EXOC4: variants seen among roughly 807,000 people sequenced by gnomAD.
EXOC4 encodes exocyst complex component 4, also known as SEC8-like 1.
A neutral mutation model predicts 107.2 loss-of-function variants in EXOC4; 71 were observed. The ratio of observed to expected loss-of-function variants is 0.66; its 90% confidence interval spans 0.55 to 0.81. EXOC4 has a LOEUF of 0.81. Ranked by LOEUF, EXOC4 falls within the 30% of genes least tolerant of loss-of-function variation. The pLI is 0.00. For missense variants in EXOC4, 1,108 were observed against 1,189.6 expected, an observed-to-expected ratio of 0.93 and a Z score of 1.01; for synonymous variants, 456 against 441.2, an observed-to-expected ratio of 1.03 and a Z score of -0.42.
At chr7:133,365,533 C>A (rs992309693) in intron 6 of EXOC4, among the ~76,000 whole-genome samples, 31 of 152,080 alleles carry the variant, frequency 2.0e-4, no homozygotes, top group African/African-American at 7.5e-4. Context: ...AGCACCAGGC[C>A]CCACTTCAGT....
At chr7:133,623,641 G>C (rs1386456393) in intron 9 of EXOC4, among the ~76,000 whole-genome samples, 1 of 152,104 alleles carries the variant, frequency 6.6e-6, no homozygotes, top group African/African-American at 2.4e-5. Context: ...CTTGTTGCCT[G>C]GATTTTCTTC....
At chr7:133,446,690 T>C (rs1361228696) in intron 7 of EXOC4, among the ~76,000 whole-genome samples, 2 of 152,220 alleles carry the variant, frequency 1.3e-5, no homozygotes. Context: ...ACTTTTAATG[T>C]TTTATAAAGT....
intron 10 of EXOC4, among the ~76,000 whole-genome samples, chr7:133,787,966 TATATATATATATATATATA>T (rs1796618986): frequency 2.4e-4 from 4 of 16,484 alleles, no homozygotes; most frequent in African/African-American, 8.6e-4. Context: ...TATATATTTA[TATATATATATATATATATA>T]TATATATATA....
intron 7 of EXOC4, among the ~76,000 whole-genome samples, chr7:133,436,159 C>T (rs965464264): frequency 6.6e-6 from 1 of 151,370 alleles, no homozygotes; most frequent in Non-Finnish European, 1.5e-5. Flanking sequence ...TTTTTCTTGG[C>T]ATCCATGCAA....
At chr7:133,921,074 G>A (rs1799926487) in intron 13 of EXOC4, among the ~76,000 whole-genome samples, 1 of 152,154 alleles carries the variant, frequency 6.6e-6, no homozygotes, top group Admixed American at 6.5e-5. Context: ...TCCACCATTT[G>A]CCAGCTGCAG....
At chr7:133,708,760 T>G (rs1357716235) in intron 10 of EXOC4, among the ~76,000 whole-genome samples, 1 of 152,218 alleles carries the variant, frequency 6.6e-6, no homozygotes, top group African/African-American at 2.4e-5. Context: ...TATTAACAGA[T>G]TCATCAAGTT....
At chr7:133,975,282 G>C (rs1483926196) in intron 14 of EXOC4, among the ~76,000 whole-genome samples, 1 of 152,158 alleles carries the variant, frequency 6.6e-6, no homozygotes, top group African/African-American at 2.4e-5. Context: ...TATGGGGATA[G>C]TAGGGATGGT....
intron 3 of EXOC4, among the ~76,000 whole-genome samples, 195 bp downstream of exon 3, chr7:133,289,311 ATCTG>A (rs1295972256): frequency 6.6e-6 from 1 of 152,236 alleles, no homozygotes; most frequent in Non-Finnish European, 1.5e-5. Context: ...TTTATGTATT[ATCTG>A]TCTTTGTAAC....
chr7:133,731,448 T>G lies in EXOC4; in HGVS notation c.1515-85877T>G, dbSNP rs923671063. Among the ~76,000 whole-genome samples, 42 of 152,168 alleles carry G rather than the reference T, an allele frequency of 2.8e-4. 1 individual carries two copies. The highest frequency in any genetic ancestry group is 8.7e-4 in the African/African-American group (36 of 41,446). On this transcript the variant is annotated intron_variant, in intron 10 of 17. Coordinates refer to ENST00000253861, the MANE Select transcript of EXOC4 (RefSeq NM_021807.4). Reference sequence around the variant, plus strand: ...AGGTACTAACTGAAGACTCTCCATTTGTTACTGGGATATGAAAAAAAAATA... The same window carrying G: ...AGGTACTAACTGAAGACTCTCCATTGGTTACTGGGATATGAAAAAAAAATA...
At chr7:133,784,729 C>T (rs972686868) in intron 10 of EXOC4, among the ~76,000 whole-genome samples, 2 of 152,074 alleles carry the variant, frequency 1.3e-5, no homozygotes, top group Admixed American at 6.6e-5. Flanking sequence ...GGAGTTGCTT[C>T]GGGAAGGCTA....
At chr7:134,096,000 C>T in the EXOC4 span, among the ~76,000 whole-genome samples, 64 of 152,188 alleles carry the variant, frequency 4.2e-4, no homozygotes, top group South Asian at 0.012. Context: ...GCAAAAGAAA[C>T]TATCAACAGA....
chr7:134,034,079 G>A (rs11420790), intron 17 of EXOC4, among the ~76,000 whole-genome samples: 30,546 of 151,954 alleles, frequency 0.2, 3,631 homozygotes, highest in East Asian at 0.42. Flanking sequence ...GTGTCTAAAA[G>A]AGACTTGATC....
chr7:133,894,775 A>C lies in EXOC4; in HGVS notation c.1735-824A>C, dbSNP rs1799262708. On this transcript the variant is annotated intron_variant, in intron 11 of 17. Coordinates refer to ENST00000253861, the MANE Select transcript of EXOC4 (RefSeq NM_021807.4). Reference sequence around the variant, plus strand: ...GGGTCAGGGACCCACTTGAGGAGGCAGTCTGCCCGTTCTCAGATCTCCAGC... The same window carrying C: ...GGGTCAGGGACCCACTTGAGGAGGCCGTCTGCCCGTTCTCAGATCTCCAGC... Among the ~76,000 whole-genome samples the C allele has an allele frequency of 2.4e-5, 2 of 83,382 alleles. 1 individual carries two copies. The allele number at this position is 83,382 out of a possible 152,430, so 54.7% of individuals were successfully genotyped here.
rs559943219 is a variant in EXOC4 at position 133,751,318 on chromosome 7, CT to C, written c.1515-66006del. Among the ~76,000 whole-genome samples, 16 of 152,238 alleles carry C rather than the reference CT, an allele frequency of 1.1e-4. No homozygotes were observed. In the East Asian group the frequency reaches 2.3e-3, roughly 22 times the overall value. ...TCTAAGCAGATGTACCAAATTACAG[CT>C]CAAGACTTCTGCTTGAAATCTACAA... is the stretch of plus-strand genomic sequence containing the variant. On this transcript the variant is annotated intron_variant, in intron 10 of 17. Transcript: ENST00000253861.
chr7:133,403,996 G>A (rs1013699820), intron 7 of EXOC4, among the ~76,000 whole-genome samples: 1 of 152,044 alleles, frequency 6.6e-6, no homozygotes, highest in Non-Finnish European at 1.5e-5. Context: ...CTCTCTCCCT[G>A]GCTCACCATA....
chr7:133,376,698 C>G (rs540351229), intron 7 of EXOC4, among the ~76,000 whole-genome samples: 39 of 152,224 alleles, frequency 2.6e-4, no homozygotes, highest in Non-Finnish European at 5.3e-4. Flanking sequence ...TTGGAAACTT[C>G]TCAGCAGTGT....
intron 9 of EXOC4, among the ~76,000 whole-genome samples, chr7:133,488,190 A>C (rs1276790321): frequency 1.5e-4 from 23 of 152,232 alleles, no homozygotes. Context: ...TAATTAACAA[A>C]ATTCAGAAGA....
intron 10 of EXOC4, among the ~76,000 whole-genome samples, chr7:133,639,906 CACTA>C (rs963748624): frequency 5.4e-4 from 82 of 151,950 alleles, no homozygotes; most frequent in African/African-American, 1.9e-3. Flanking sequence ...AAAAAACTAA[CACTA>C]ACAAGTTTCT....
intron 10 of EXOC4, among the ~76,000 whole-genome samples, chr7:133,696,677 A>G (rs1441408553): frequency 6.6e-6 from 1 of 152,232 alleles, no homozygotes; most frequent in African/African-American, 2.4e-5. Context: ...TGACAAGAGA[A>G]TAACATAATT....
Sources: allele counts gnomAD v4.1 joint callset (sites outside exome capture counted in the v4.1 genomes callset), GRCh38; gene constraint gnomAD v4.1.1; transcripts MANE v1.5; gene names NCBI Gene and HGNC (gene_info 2026-07-23, HGNC 2026-07-21).